Variants in USP54 observed in about 807,000 individuals in gnomAD.
USP54 encodes the protein ubiquitin specific peptidase 54, also known as ubiquitin carboxyl-terminal hydrolase 54.
Under a neutral mutation model 170.5 loss-of-function variants are expected in USP54, and 87 were observed. That is an observed-to-expected ratio of 0.51 (90% CI 0.43 to 0.61). The LOEUF (loss-of-function observed/expected upper bound fraction) is 0.61, where lower values mean the gene tolerates loss of function less well. Ranked by LOEUF, USP54 falls within the 20% of genes least tolerant of loss-of-function variation. The pLI, the probability that USP54 is intolerant of heterozygous loss-of-function variation, is 0.00. For synonymous variants in USP54, 655 were observed against 742.8 expected, an observed-to-expected ratio of 0.88 and a Z score of 1.92; for missense variants, 1,786 against 2,047.8, an observed-to-expected ratio of 0.87 and a Z score of 2.47.
chr10:73,508,539 C>T (rs953061919), intron 20 of USP54, among the ~76,000 whole-genome samples: 3 of 151,922 alleles, frequency 2.0e-5, no homozygotes, highest in Non-Finnish European at 4.4e-5. Flanking sequence ...ATTATGTATT[C>T]GCTGATATGA....
intron 4 of USP54, among the ~76,000 whole-genome samples, chr10:73,566,162 G>A (rs772105400): frequency 7.9e-5 from 12 of 151,654 alleles, no homozygotes; most frequent in Non-Finnish European, 1.5e-4. Context: ...CCCGGGAGGC[G>A]GAGGTTGCAG....
chr10:73,596,042 C>T (rs755060211), upstream of USP54, among the ~76,000 whole-genome samples: 1 of 149,590 alleles, frequency 6.7e-6, no homozygotes, highest in African/African-American at 2.5e-5. Flanking sequence ...ACCCAGGAGG[C>T]GGAGGTTGCA....
chr10:73,617,905 G>C (rs1256436960), intron 1 of USP54, among the ~76,000 whole-genome samples: 1 of 149,010 alleles, frequency 6.7e-6, no homozygotes, highest in Non-Finnish European at 1.5e-5. Flanking sequence ...CCTGTCTTAA[G>C]AAATAAAAAT....
At chr10:73,539,046 T>A (rs916734356) in intron 10 of USP54, among the ~76,000 whole-genome samples, 3 of 151,832 alleles carry the variant, frequency 2.0e-5, no homozygotes, top group African/African-American at 7.3e-5. Flanking sequence ...TTTGGGAGGC[T>A]GAGGTAGGCG....
At chr10:73,506,635 T>C (rs1347661198) in intron 20 of USP54, 2 of 152,204 alleles carry the variant, frequency 1.3e-5, no homozygotes, top group Admixed American at 1.3e-4. Context: ...GTGCTTTCAA[T>C]ACCACCTCAG....
chr10:73,525,564 A>C (rs1487874522), intron 16 of USP54, among the ~76,000 whole-genome samples: 2 of 152,182 alleles, frequency 1.3e-5, no homozygotes, highest in Non-Finnish European at 2.9e-5. Context: ...CTATCTGAAG[A>C]GAAGGGAGAA....
chr10:73,615,958 G>A (rs895118070), intron 1 of USP54, among the ~76,000 whole-genome samples: 8 of 147,786 alleles, frequency 5.4e-5, no homozygotes, highest in Non-Finnish European at 1.0e-4. Flanking sequence ...TGTAATCCCA[G>A]CACTTTGGGA....
At chr10:73,535,458 C>A (rs981467082) in intron 11 of USP54, among the ~76,000 whole-genome samples, 1 of 152,074 alleles carries the variant, frequency 6.6e-6, no homozygotes, top group African/African-American at 2.4e-5. Context: ...CAAGTATCTT[C>A]TCTTTCAAAA....
At chr10:73,504,818 G>T (rs1200509807) in intron 22 of USP54, 32 bp downstream of exon 22, 1 of 1,614,068 alleles carries the variant, frequency 6.2e-7, no homozygotes, top group Non-Finnish European at 8.5e-7. Flanking sequence ...GGAGGAGGGT[G>T]CTCTGAATAG....
At position 73,519,711 on chromosome 10, in the gene USP54, C is replaced by G. The variant is rs192628637; in HGVS notation, c.2678+86G>C. 5.1e-6 allele frequency: 8 copies of G among 1,579,018 alleles called. No individual in the cohort carries two copies. The East Asian group carries it at 6.9e-5, about 14-fold the overall frequency. ...GGACTCCTCTCTCCCCTTCAGTCGC[C>G]AAGACAATGAGAGCTCTTGCTACAG... On this transcript the variant is annotated intron_variant, in intron 19 of 23. Coordinates refer to ENST00000687698, the MANE Select transcript of USP54 (RefSeq NM_001391956.1).
At chr10:73,552,753 T>C (rs967768884) in intron 4 of USP54, among the ~76,000 whole-genome samples, 3 of 152,168 alleles carry the variant, frequency 2.0e-5, no homozygotes, top group Non-Finnish European at 2.9e-5. Context: ...ATCACACCAC[T>C]GTACTCCAGC....
At chr10:73,591,864 T>G (rs1480159437), upstream of USP54, among the ~76,000 whole-genome samples, 1 of 152,224 alleles carries the variant, frequency 6.6e-6, no homozygotes, top group Non-Finnish European at 1.5e-5. Flanking sequence ...ATTCCAAGAC[T>G]GGGCTTAAAT....
At chr10:73,586,629 T>C (rs761819879) in intron 1 of USP54, among the ~76,000 whole-genome samples, 66 of 152,220 alleles carry the variant, frequency 4.3e-4, no homozygotes, top group Admixed American at 1.2e-3. Flanking sequence ...CTGACTCTCC[T>C]TAAAGAAAAG....
intron 4 of USP54, among the ~76,000 whole-genome samples, chr10:73,569,183 G>GT (rs2074486599): frequency 6.6e-6 from 1 of 151,810 alleles, no homozygotes; most frequent in African/African-American, 2.4e-5. Flanking sequence ...ACGTTTTTTT[G>GT]TTTTTTTCTC....
intron 4 of USP54, among the ~76,000 whole-genome samples, chr10:73,570,814 A>C (rs938183171): frequency 1.3e-5 from 2 of 152,158 alleles, no homozygotes; most frequent in African/African-American, 4.8e-5. Context: ...CAAAATGAAA[A>C]TTTAGAATTA....
In USP54 at chr10:73,602,590, G is replaced by A. The variant is rs192611272; in HGVS notation, c.-18+22977C>T. ...TAGTATAATAGTGGCCAGGCACTGT[G>A]GCTCATGCCTATAATCCCAGAACTT... On this transcript the variant is annotated intron_variant, in intron 1 of 22. Transcript: ENST00000339859. Among the ~76,000 whole-genome samples the A allele has an allele frequency of 9.2e-5, 14 of 151,530 alleles. No homozygotes were observed. The East Asian group carries it at 2.7e-3, about 29-fold the overall frequency.
chr10:73,503,290 A>T (rs1295601355), intron 22 of USP54, among the ~76,000 whole-genome samples: 1 of 152,150 alleles, frequency 6.6e-6, no homozygotes, highest in Non-Finnish European at 1.5e-5. Flanking sequence ...CCCTTCTATT[A>T]TGTTCCCATA....
At chr10:73,508,365 C>G (rs2059566983) in intron 20 of USP54, among the ~76,000 whole-genome samples, 2 of 149,746 alleles carry the variant, frequency 1.3e-5, no homozygotes, top group Admixed American at 1.3e-4. Flanking sequence ...TGATATTGTA[C>G]CACTGCACTC....
chr10:73,588,750 T>C (rs187922134), intron 1 of USP54, among the ~76,000 whole-genome samples: 1 of 152,352 alleles, frequency 6.6e-6, no homozygotes, highest in East Asian at 1.9e-4. Context: ...CAACCTCATC[T>C]ACCCTTAAAA....
Sources: gnomAD v4.1 joint callset for allele counts (sites outside exome capture counted in the v4.1 genomes callset) on GRCh38, gnomAD v4.1.1 for gene constraint, MANE v1.5 for transcripts, NCBI Gene and HGNC (gene_info 2026-07-23, HGNC 2026-07-21) for gene names.